PLLP: variants seen among roughly 807,000 people sequenced by gnomAD.
PLLP encodes plasma membrane proteolipid (plasmolipin).
PLLP carries 15 observed loss-of-function variants against 19.7 expected under a neutral mutation model. The ratio of observed to expected loss-of-function variants is 0.76; its 90% CI spans 0.51 to 1.17. The LOEUF (loss-of-function observed/expected upper bound fraction) is 1.17, where lower values mean the gene tolerates loss of function less well. Ranked by LOEUF, PLLP falls within the 50% of genes most tolerant of loss-of-function variation. PLLP has a pLI of 0.00. For synonymous variants in PLLP, 111 were observed against 116.3 expected (o/e 0.95, Z 0.29); for missense variants, 255 against 258.3 (o/e 0.99, Z 0.09).
At chr16:57,265,836 T>C (rs1308876592) in intron 1 of PLLP, among the ~76,000 whole-genome samples, 1 of 152,154 alleles carries the variant, frequency 6.6e-6, no homozygotes, top group Non-Finnish European at 1.5e-5. Context: ...GAAACCAGCC[T>C]GGACAATATG....
chr16:57,283,427 G>A (rs953012098), intron 1 of PLLP, among the ~76,000 whole-genome samples: 1 of 152,120 alleles, frequency 6.6e-6, no homozygotes, highest in Non-Finnish European at 1.5e-5. Context: ...TCGCAGCAGC[G>A]CTAGCACCCA....
At chr16:57,284,073 C>T (rs111256281) in intron 1 of PLLP, among the ~76,000 whole-genome samples, 2,550 of 152,218 alleles carry the variant, frequency 0.017, 55 homozygotes, top group African/African-American at 0.056. Flanking sequence ...TGCGCAGTGA[C>T]TGTGGCTCCG....
intron 1 of PLLP, among the ~76,000 whole-genome samples, chr16:57,279,997 C>T (rs1451575778): frequency 6.6e-6 from 1 of 152,250 alleles, no homozygotes; most frequent in Non-Finnish European, 1.5e-5. Context: ...CATCCTGGGC[C>T]TCAAGGACGC....
chr16:57,281,930 A>G (rs2146452820), intron 1 of PLLP, among the ~76,000 whole-genome samples: 1 of 152,244 alleles, frequency 6.6e-6, no homozygotes, highest in African/African-American at 2.4e-5. Context: ...CTTCCCTCAC[A>G]CCCAGTCCCT....
At chr16:57,261,298 C>A (rs1371693728) in intron 2 of PLLP, among the ~76,000 whole-genome samples, 6 of 152,180 alleles carry the variant, frequency 3.9e-5, no homozygotes, top group African/African-American at 9.6e-5. Flanking sequence ...AGCCACCACA[C>A]CCGGCCGGGA....
intron 1 of PLLP, among the ~76,000 whole-genome samples, chr16:57,264,753 T>G (rs12932277): frequency 0.11 from 16,703 of 152,074 alleles, 1,160 homozygotes; most frequent in South Asian, 0.31. Context: ...GGAGGCTGAG[T>G]GGGGAGGATC....
At chr16:57,282,422 T>A (rs1272984047) in intron 1 of PLLP, among the ~76,000 whole-genome samples, 1 of 151,626 alleles carries the variant, frequency 6.6e-6, no homozygotes, top group African/African-American at 2.4e-5. Context: ...TTTTTTTCCT[T>A]TTTTTTGTAG....
chr16:57,258,426 T>C, intron 3 of PLLP, 36 bp downstream of exon 3: 3 of 1,600,932 alleles, frequency 1.9e-6, no homozygotes, highest in African/African-American at 1.3e-5. Context: ...GCTGAGACCC[T>C]GCAGACCACC....
At chr16:57,278,746 A>G (rs1033330379) in intron 1 of PLLP, among the ~76,000 whole-genome samples, 1 of 152,172 alleles carries the variant, frequency 6.6e-6, no homozygotes, top group African/African-American at 2.4e-5. Flanking sequence ...TGCTAAGGGA[A>G]GCCCCGGGAG....
At chr16:57,261,350 T>C (rs2075441195) in intron 2 of PLLP, among the ~76,000 whole-genome samples, 1 of 151,998 alleles carries the variant, frequency 6.6e-6, no homozygotes, top group Non-Finnish European at 1.5e-5. Flanking sequence ...ACAAATCCAC[T>C]CAACAGCCCC....
intron 3 of PLLP, 26 bp from the exon 4 acceptor site, chr16:57,257,055 A>C (rs1232834188): frequency 6.6e-7 from 1 of 1,510,000 alleles, no homozygotes; most frequent in African/African-American, 1.4e-5. Context: ...GAAGGGCTTA[A>C]GGACCGAGAG....
chr16:57,257,211 C>A (rs1394942578), intron 3 of PLLP, among the ~76,000 whole-genome samples, 182 bp from the exon 4 acceptor site: 1 of 152,204 alleles, frequency 6.6e-6, no homozygotes, highest in South Asian at 2.1e-4. Context: ...ACCAACATTA[C>A]CTTCTAACCA....
chr16:57,284,166 G>A (rs117932065), intron 1 of PLLP, among the ~76,000 whole-genome samples: 4,479 of 152,246 alleles, frequency 0.029, 221 homozygotes, highest in South Asian at 0.24. Flanking sequence ...ACACGGTGCA[G>A]GGTGCTCACG....
At chr16:57,266,920 C>CT (rs77621300) in intron 1 of PLLP, among the ~76,000 whole-genome samples, 6,551 of 125,682 alleles carry the variant, frequency 0.052, 408 homozygotes, top group South Asian at 0.3. Context: ...GGATTAGGAA[C>CT]TTTTTTTTAC....
chr16:57,272,987 C>T (rs7189494), intron 1 of PLLP, among the ~76,000 whole-genome samples: 4,373 of 151,568 alleles, frequency 0.029, 227 homozygotes, highest in African/African-American at 0.099. Context: ...GGTCCAGGCG[C>T]GGTGGCTCAC....
chr16:57,267,221 C>T (rs1441564746), intron 1 of PLLP, among the ~76,000 whole-genome samples: 1 of 152,058 alleles, frequency 6.6e-6, no homozygotes, highest in African/African-American at 2.4e-5. Context: ...CAATGTGTTC[C>T]CCAAAATATG....
intron 1 of PLLP, among the ~76,000 whole-genome samples, 182 bp downstream of exon 1, chr16:57,284,224 G>T (rs943215497): frequency 6.6e-6 from 1 of 152,172 alleles, no homozygotes; most frequent in South Asian, 2.1e-4. Context: ...GGGATGCAGG[G>T]CGATCTTGGG....
At chr16:57,259,373 G>T (rs547507013) in intron 2 of PLLP, among the ~76,000 whole-genome samples, 164 of 152,332 alleles carry the variant, frequency 1.1e-3, no homozygotes, top group Middle Eastern at 3.4e-3. Flanking sequence ...CCTTCAGGGG[G>T]AAGAATTTTT....
At chr16:57,265,260 C>T (rs2075453550) in intron 1 of PLLP, among the ~76,000 whole-genome samples, 1 of 152,266 alleles carries the variant, frequency 6.6e-6, no homozygotes, top group Non-Finnish European at 1.5e-5. Context: ...CTCAGAACAA[C>T]ACCCTGCCAG....
Sources: allele counts gnomAD v4.1 joint callset (sites outside exome capture counted in the v4.1 genomes callset), GRCh38; gene constraint gnomAD v4.1.1; transcripts MANE v1.5; gene names NCBI Gene and HGNC (gene_info 2026-07-23, HGNC 2026-07-21).